Variants in CDK6 observed in about 807,000 individuals in gnomAD.
CDK6 encodes the protein cyclin-dependent kinase 6.
CDK6 carries 6 observed loss-of-function variants against 37.1 expected under a neutral mutation model. That is an observed-to-expected ratio of 0.16 (90% CI 0.09 to 0.32). The LOEUF is 0.32. CDK6 is among the 10% of genes least tolerant of loss of function. CDK6 has a pLI of 1.00. For synonymous variants in CDK6, 160 were observed against 161.3 expected (o/e 0.99, Z 0.06); for missense variants, 224 against 418.9 (o/e 0.53, Z 4.06).
rs552347492 is a variant in CDK6 at position 92,615,126 on chromosome 7, C to T, written c.*14G>A. 4.0e-5 allele frequency: 64 copies of T among 1,612,866 alleles called. No homozygotes were observed. The South Asian group carries it at 5.8e-4, about 15-fold the overall frequency. On this transcript the variant is annotated 3_prime_UTR_variant, in exon 8 of 8. Coordinates refer to ENST00000424848, the MANE Select transcript of CDK6 (RefSeq NM_001145306.2). ...TGTTCTCCGCAGGATCAGCTTAAGG[C>T]GGCTGCTGAGGCCTCAGGCTGTATT...
chr7:92,794,926 CT>C (rs1246033320), intron 2 of CDK6, among the ~76,000 whole-genome samples: 1 of 152,064 alleles, frequency 6.6e-6, no homozygotes, highest in African/African-American at 2.4e-5. Context: ...TAAAACGATT[CT>C]GAAGATAATT....
intron 5 of CDK6, among the ~76,000 whole-genome samples, chr7:92,650,204 T>C (rs576265206): frequency 6.6e-6 from 1 of 152,358 alleles, no homozygotes; most frequent in African/African-American, 2.4e-5. Flanking sequence ...TTACCAAAAA[T>C]GATACACAGA....
At chr7:92,635,640 A>G (rs1796152771) in intron 5 of CDK6, among the ~76,000 whole-genome samples, 1 of 150,668 alleles carries the variant, frequency 6.6e-6, no homozygotes, top group South Asian at 2.1e-4. Context: ...TTTGCTTAAT[A>G]CTGTATTTCC....
At chr7:92,814,501 G>A (rs1280117994) in intron 2 of CDK6, among the ~76,000 whole-genome samples, 1 of 143,362 alleles carries the variant, frequency 7.0e-6, no homozygotes. Flanking sequence ...CAGGTAATAA[G>A]CAATTCTTGG....
At chr7:92,661,681 G>C (rs766168603) in intron 5 of CDK6, among the ~76,000 whole-genome samples, 6 of 152,172 alleles carry the variant, frequency 3.9e-5, no homozygotes, top group Admixed American at 6.5e-5. Flanking sequence ...GGGTAAAGGG[G>C]AAGAAGAGGG....
intron 3 of CDK6, among the ~76,000 whole-genome samples, chr7:92,732,962 T>C (rs1036810798): frequency 6.6e-6 from 1 of 152,242 alleles, no homozygotes; most frequent in Non-Finnish European, 1.5e-5. Context: ...TTTAGGGCTG[T>C]CTGCCTCCAG....
intron 4 of CDK6, among the ~76,000 whole-genome samples, chr7:92,679,822 G>A (rs1208691872): frequency 6.6e-6 from 1 of 151,884 alleles, no homozygotes; most frequent in East Asian, 2.0e-4. Flanking sequence ...CCGGGTTCAA[G>A]TGATTCTCCT....
chr7:92,772,098 A>G (rs1562960984), intron 3 of CDK6, among the ~76,000 whole-genome samples: 1 of 152,218 alleles, frequency 6.6e-6, no homozygotes, highest in Non-Finnish European at 1.5e-5. Context: ...TTAAATGATT[A>G]TTCAAGTTTT....
intron 4 of CDK6, among the ~76,000 whole-genome samples, chr7:92,692,769 T>C (rs1364722314): frequency 6.6e-6 from 1 of 152,138 alleles, no homozygotes; most frequent in Non-Finnish European, 1.5e-5. Context: ...GCCTGAATTA[T>C]GGAGTAAGAC....
In CDK6 at chr7:92,606,642, T is replaced by TA. The variant is rs1795435617; in HGVS notation, c.*8497_*8498insT. 4.3e-6 allele frequency: 1 copy of TA among 232,732 alleles called. No individual in the cohort carries two copies. The highest frequency in any genetic ancestry group is 2.2e-5 in the African/African-American group (1 of 45,194). The allele number at this position is 232,732 out of a possible 1,614,324, so 14.4% of individuals were successfully genotyped here. Reference sequence around the variant, plus strand: ...AAGTCAAATTTCCAAATTAGATTTTTTTTTTTTACTTTCAAAACATTTTCT... The same window carrying TA: ...AAGTCAAATTTCCAAATTAGATTTTTATTTTTTTACTTTCAAAACATTTTCT... On this transcript the variant is annotated 3_prime_UTR_variant, in exon 8 of 8. Coordinates refer to ENST00000424848, the MANE Select transcript of CDK6 (RefSeq NM_001145306.2).
rs141243605 is a variant in CDK6, at chr7:92,758,337, A to T, written c.369+16359T>A. Among the ~76,000 whole-genome samples, 500 of 152,292 alleles carry T rather than the reference A, an allele frequency of 3.3e-3. 2 individuals are homozygous for T. The highest frequency in any genetic ancestry group is 0.012 in the African/African-American group (479 of 41,548). On this transcript the variant is annotated intron_variant, in intron 3 of 7. Coordinates refer to ENST00000424848, the MANE Select transcript of CDK6 (RefSeq NM_001145306.2). ...TGATGTAAAGAAGGGGTATAGTTTC[A>T]ATCTTCTGCATATGGCTAGCCAGTT...
rs184822308 is a variant in CDK6 at position 92,789,019 on chromosome 7, A to T, written c.234-14188T>A. ...CACATGCTTGTAGTCCTAGCTACTC[A>T]GGAGGCTGAGACAGAAAGATCATTT... On this transcript the variant is annotated intron_variant, in intron 2 of 7. Coordinates refer to ENST00000424848, the MANE Select transcript of CDK6 (RefSeq NM_001145306.2). Among the ~76,000 whole-genome samples the T allele has an allele frequency of 3.4e-3, 524 of 152,206 alleles. 1 individual carries two copies. Among genetic ancestry groups the T allele is most frequent in the Middle Eastern group, 6.8e-3 (2 of 294 alleles).
At chr7:92,777,547 T>C (rs1359096115) in intron 2 of CDK6, among the ~76,000 whole-genome samples, 2 of 152,194 alleles carry the variant, frequency 1.3e-5, no homozygotes, top group African/African-American at 2.4e-5. Flanking sequence ...TGCCCAGCCA[T>C]GTGGCATTAT....
chr7:92,637,704 C>T (rs1364242523), intron 5 of CDK6, among the ~76,000 whole-genome samples: 1 of 152,086 alleles, frequency 6.6e-6, no homozygotes, highest in Non-Finnish European at 1.5e-5. Context: ...ATCCTCATTT[C>T]AAAGGGAGAA....
chr7:92,756,815 C>T (rs1051045794), intron 3 of CDK6, among the ~76,000 whole-genome samples: 2 of 152,096 alleles, frequency 1.3e-5, no homozygotes, highest in African/African-American at 4.8e-5. Flanking sequence ...GGGCAAGAAG[C>T]GCAAGACCAG....
At chr7:92,830,428 G>T (rs538531027) in intron 2 of CDK6, among the ~76,000 whole-genome samples, 1 of 152,164 alleles carries the variant, frequency 6.6e-6, no homozygotes, top group Admixed American at 6.5e-5. Flanking sequence ...AATTACTTAT[G>T]ACTTGAAGGT....
At chr7:92,737,647 G>T (rs750009694) in intron 3 of CDK6, among the ~76,000 whole-genome samples, 1 of 152,112 alleles carries the variant, frequency 6.6e-6, no homozygotes, top group African/African-American at 2.4e-5. Flanking sequence ...CATTACAAAT[G>T]AACTTTCTTA....
chr7:92,702,345 G>A (rs1182449088), intron 4 of CDK6, among the ~76,000 whole-genome samples: 1 of 137,342 alleles, frequency 7.3e-6, no homozygotes, highest in Non-Finnish European at 1.5e-5. Context: ...TGATTGTCCT[G>A]TCTTAGCCTC....
chr7:92,693,151 T>C (rs572548510), intron 4 of CDK6, among the ~76,000 whole-genome samples: 71 of 152,354 alleles, frequency 4.7e-4, no homozygotes, highest in African/African-American at 1.7e-3. Flanking sequence ...CAAACTCTCT[T>C]TTTTGCAGGT....
Sources: gnomAD v4.1 joint callset for allele counts (sites outside exome capture counted in the v4.1 genomes callset) on GRCh38, gnomAD v4.1.1 for gene constraint, MANE v1.5 for transcripts, NCBI Gene and HGNC (gene_info 2026-07-23, HGNC 2026-07-21) for gene names.